The following XPR1 variants were observed in gnomAD, a reference collection of about 807,000 sequenced individuals.
XPR1 encodes xenotropic and polytropic retrovirus receptor 1.
Under a neutral mutation model 87.5 loss-of-function variants are expected in XPR1, and 28 were observed. The observed-to-expected ratio is 0.32, with a 90% confidence interval of 0.24 to 0.44. The LOEUF is 0.44. Ranked by LOEUF, XPR1 falls within the 20% of genes least tolerant of loss-of-function variation. XPR1 has a pLI of 1.00. For synonymous variants in XPR1, 300 were observed against 306.1 expected, an observed-to-expected ratio of 0.98 and a Z score of 0.21; for missense variants, 559 against 862.3, an observed-to-expected ratio of 0.65 and a Z score of 4.41.
chr1:180,711,112 C>T (rs28666703), intron 2 of XPR1, among the ~76,000 whole-genome samples: 6,004 of 148,120 alleles, frequency 0.041, 396 homozygotes, highest in African/African-American at 0.14. Flanking sequence ...TGGGCAGAGG[C>T]GCTCCTCACA....
intron 9 of XPR1, among the ~76,000 whole-genome samples, chr1:180,829,742 G>A (rs896984228): frequency 1.3e-5 from 2 of 151,768 alleles, no homozygotes; most frequent in African/African-American, 4.8e-5. Context: ...CCCTTCATTG[G>A]TTGTATTATA....
chr1:180,767,609 C>T (rs183793398), intron 2 of XPR1, among the ~76,000 whole-genome samples: 1 of 152,068 alleles, frequency 6.6e-6, no homozygotes, highest in African/African-American at 2.4e-5. Context: ...GGTGAAAGAA[C>T]ATTATGAAGC....
intron 14 of XPR1, 60 bp downstream of exon 14, chr1:180,880,357 A>T: frequency 6.3e-7 from 1 of 1,588,226 alleles, no homozygotes; most frequent in Non-Finnish European, 8.6e-7. Flanking sequence ...ATTGGGTAGC[A>T]TGTAAGCTAA....
intron 2 of XPR1, 90 bp downstream of exon 2, chr1:180,682,501 A>AGG: frequency 1.1e-6 from 1 of 881,024 alleles, no homozygotes; most frequent in Non-Finnish European, 1.6e-6. Flanking sequence ...CTAATATGAT[A>AGG]ACCTGTCCTA....
intron 3 of XPR1, among the ~76,000 whole-genome samples, chr1:180,797,417 C>T (rs750655788): frequency 6.6e-6 from 1 of 152,072 alleles, no homozygotes; most frequent in Non-Finnish European, 1.5e-5. Flanking sequence ...CCTTGCAAAA[C>T]GAGTAAGGAG....
chr1:180,693,834 C>T (rs1657073174), intron 2 of XPR1, among the ~76,000 whole-genome samples: 1 of 152,158 alleles, frequency 6.6e-6, no homozygotes, highest in Non-Finnish European at 1.5e-5. Context: ...TCTATAATTA[C>T]ATTACAAAGA....
chr1:180,776,868 T>G (rs921258319), intron 2 of XPR1, among the ~76,000 whole-genome samples: 5 of 152,150 alleles, frequency 3.3e-5, no homozygotes, highest in South Asian at 2.1e-4. Flanking sequence ...AAAGACTTTT[T>G]TGTGTGTGTT....
At chr1:180,800,254 A>G (rs1050242758) in intron 3 of XPR1, among the ~76,000 whole-genome samples, 10 of 152,218 alleles carry the variant, frequency 6.6e-5, no homozygotes, top group African/African-American at 2.4e-4. Context: ...AATATCATAA[A>G]TGTATAGTTT....
At chr1:180,737,622 A>C (rs1170238269) in intron 2 of XPR1, among the ~76,000 whole-genome samples, 1 of 152,206 alleles carries the variant, frequency 6.6e-6, no homozygotes, top group Non-Finnish European at 1.5e-5. Flanking sequence ...CACTCCTCCT[A>C]TGCATAACCC....
chr1:180,796,722 A>C (rs1394756789), intron 3 of XPR1, among the ~76,000 whole-genome samples: 1 of 152,238 alleles, frequency 6.6e-6, no homozygotes, highest in Non-Finnish European at 1.5e-5. Context: ...AAATGTCTGC[A>C]GACTGAAGAT....
At chr1:180,822,697 GAT>G (rs1650680937) in intron 7 of XPR1, among the ~76,000 whole-genome samples, 2 of 152,108 alleles carry the variant, frequency 1.3e-5, no homozygotes, top group Non-Finnish European at 2.9e-5. Flanking sequence ...CTAGGCATTT[GAT>G]ATATGTTGTT....
Position 180,632,049 on chromosome 1 carries a change from G to A in XPR1, c.-153G>A, listed in dbSNP as rs1447982545. ...GGAGAGGAGGAGGAAGATGGCGGGC[G>A]GGCTGCTCTGAAGAGACCTCGGCGG... On this transcript the variant is annotated 5_prime_UTR_variant, in exon 1 of 15. Coordinates refer to ENST00000367590, the MANE Select transcript of XPR1 (RefSeq NM_004736.4). 3.7e-6 allele frequency: 3 copies of A among 807,446 alleles called. No homozygotes were observed. Among genetic ancestry groups the A allele is most frequent in the African/African-American group, 1.7e-5 (1 of 58,694 alleles). The allele number at this position is 807,446 out of a possible 1,614,324, so 50.0% of individuals were successfully genotyped here.
chr1:180,841,175 C>T (rs1438995095), intron 11 of XPR1, among the ~76,000 whole-genome samples: 1 of 152,040 alleles, frequency 6.6e-6, no homozygotes, highest in Non-Finnish European at 1.5e-5. Context: ...AAAGAACCCC[C>T]AGCACAGGTC....
intron 2 of XPR1, among the ~76,000 whole-genome samples, chr1:180,688,044 TATTA>T (rs1424590660): frequency 1.4e-5 from 2 of 147,624 alleles, no homozygotes; most frequent in Non-Finnish European, 1.5e-5. Context: ...TACAGTATGT[TATTA>T]ATTTTTTTTT....
At position 180,889,979 on chromosome 1, in the gene XPR1, G is replaced by A. The variant is rs530395140; in HGVS notation, c.*5913G>A. ...TCTGGTAAATGGAAAAGGTGATGTC[G>A]AAGAATTGATGCTTGCTTGGACTCA... On this transcript the variant is annotated 3_prime_UTR_variant, in exon 15 of 15. Coordinates refer to ENST00000367590, the MANE Select transcript of XPR1 (RefSeq NM_004736.4). The A allele has an allele frequency of 3.9e-5, 6 of 152,274 alleles. No homozygotes were observed. In the East Asian group the frequency reaches 9.6e-4, roughly 24 times the overall value. The allele number at this position is 152,274 out of a possible 1,614,324, so 9.4% of individuals were successfully genotyped here.
intron 2 of XPR1, among the ~76,000 whole-genome samples, chr1:180,684,771 A>G (rs1250710801): frequency 6.6e-6 from 1 of 152,188 alleles, no homozygotes; most frequent in Non-Finnish European, 1.5e-5. Flanking sequence ...GAGTTCACTC[A>G]TGATTTGGCT....
intron 2 of XPR1, among the ~76,000 whole-genome samples, chr1:180,756,992 C>G (rs543476195): frequency 1.2e-4 from 18 of 152,278 alleles, no homozygotes; most frequent in African/African-American, 3.8e-4. Flanking sequence ...TCTGGACTCT[C>G]AATTCTTTTT....
chr1:180,694,448 T>C (rs979394718), intron 2 of XPR1, among the ~76,000 whole-genome samples: 2 of 152,082 alleles, frequency 1.3e-5, no homozygotes, highest in African/African-American at 4.8e-5. Context: ...CCAATAGATA[T>C]TAGTCAGACT....
intron 2 of XPR1, among the ~76,000 whole-genome samples, chr1:180,726,560 CT>C (rs1557976289): frequency 6.6e-6 from 1 of 152,218 alleles, no homozygotes; most frequent in East Asian, 1.9e-4. Context: ...CCATTCACCC[CT>C]CTTGGGGTCC....
Sources: allele counts gnomAD v4.1 joint callset (sites outside exome capture counted in the v4.1 genomes callset), GRCh38; gene constraint gnomAD v4.1.1; transcripts MANE v1.5; gene names NCBI Gene and HGNC (gene_info 2026-07-23, HGNC 2026-07-21).